Variants in UBE3C observed in about 807,000 individuals in gnomAD.
UBE3C encodes ubiquitin-protein ligase E3C.
In UBE3C, 42 loss-of-function variants were observed where a neutral mutation model predicts 129.4. The ratio of observed to expected loss-of-function variants is 0.32; its 90% CI spans 0.25 to 0.42. The LOEUF (loss-of-function observed/expected upper bound fraction) is 0.42, where lower values mean the gene tolerates loss of function less well. UBE3C is among the 10% of genes least tolerant of loss of function. UBE3C has a pLI of 1.00. For missense variants in UBE3C, 1,049 were observed against 1,319.1 expected (o/e 0.80, Z 3.17); for synonymous variants, 510 against 492.4 (o/e 1.04, Z -0.47).
At chr7:157,251,604 G>A (rs577842629) in intron 19 of UBE3C, among the ~76,000 whole-genome samples, 1 of 152,242 alleles carries the variant, frequency 6.6e-6, no homozygotes, top group African/African-American at 2.4e-5. Context: ...GTGTCTTGTG[G>A]GGCTTTATGG....
intron 5 of UBE3C, among the ~76,000 whole-genome samples, chr7:157,177,716 C>G (rs748318743): frequency 1.3e-5 from 2 of 152,218 alleles, no homozygotes; most frequent in African/African-American, 4.8e-5. Flanking sequence ...GTCCTCACCC[C>G]CTGTCTCTCC....
Position 157,141,388 on chromosome 7 carries a change from C to T in UBE3C, c.66+2050C>T, listed in dbSNP as rs533523510. Among the ~76,000 whole-genome samples, 25 of 152,286 alleles carry T rather than the reference C, an allele frequency of 1.6e-4. No individual in the cohort carries two copies. In the South Asian group the frequency reaches 2.1e-3, roughly 13 times the overall value. Reference sequence around the variant, plus strand: ...GTCATATGTGACTTAAAGAGGGGGACGCTGTCACTAGTCCAGTTGGTTGTT... The same window carrying T: ...GTCATATGTGACTTAAAGAGGGGGATGCTGTCACTAGTCCAGTTGGTTGTT... On this transcript the variant is annotated intron_variant, in intron 1 of 22. Coordinates refer to ENST00000348165, the MANE Select transcript of UBE3C (RefSeq NM_014671.3).
chr7:157,218,809 G>A (rs538114515), intron 14 of UBE3C, among the ~76,000 whole-genome samples: 1 of 152,266 alleles, frequency 6.6e-6, no homozygotes, highest in African/African-American at 2.4e-5. Context: ...CCTGTCTCTA[G>A]CTGGTCATGG....
At chr7:157,164,992 C>T (rs1808174705) in intron 2 of UBE3C, among the ~76,000 whole-genome samples, 1 of 152,124 alleles carries the variant, frequency 6.6e-6, no homozygotes. Context: ...TTGGGGGGAA[C>T]TGCTCTGTAC....
chr7:157,210,277 T>G (rs1256083999), intron 13 of UBE3C, among the ~76,000 whole-genome samples: 1 of 151,766 alleles, frequency 6.6e-6, no homozygotes, highest in African/African-American at 2.4e-5. Flanking sequence ...TTAGAATTGT[T>G]TAAAGACCTT....
Position 157,261,306 on chromosome 7 carries a change from GAAAAAAAAAAAAA to G in UBE3C, c.3081+4283_3081+4295del, listed in dbSNP as rs57114090. Reference sequence around the variant, plus strand: ...GGGCAACAAGAGCAAAACTCTGTCTGAAAAAAAAAAAAAAAAAAAAAAAAAAAAAAAAATCCCA... The same window carrying G: ...GGGCAACAAGAGCAAAACTCTGTCTGAAAAAAAAAAAAAAAAAAAATCCCA... On this transcript the variant is annotated intron_variant, in intron 22 of 22. Transcript: ENST00000348165. Among the ~76,000 whole-genome samples, 254 of 78,038 alleles carry G rather than the reference GAAAAAAAAAAAAA, an allele frequency of 3.3e-3. 4 individuals carry two copies. The highest frequency in any genetic ancestry group is 4.8e-3 in the Non-Finnish European group (207 of 43,182). The allele number at this position is 78,038 out of a possible 152,430, so 51.2% of individuals were successfully genotyped here.
In UBE3C at chr7:157,244,540, T is replaced by C. The variant is rs553127252; in HGVS notation, c.2482-3828T>C. Among the ~76,000 whole-genome samples the C allele has an allele frequency of 1.8e-4, 27 of 152,360 alleles. 1 individual carries two copies. In the South Asian group the frequency reaches 5.6e-3, roughly 32 times the overall value. On this transcript the variant is annotated intron_variant, in intron 18 of 22. Coordinates refer to ENST00000348165, the MANE Select transcript of UBE3C (RefSeq NM_014671.3). Reference sequence around the variant, plus strand: ...TATAGTTTTTAGATTAAGTTATAAATGTTCACTTTAGAGCTGCCTGAAGAT... The same window carrying C: ...TATAGTTTTTAGATTAAGTTATAAACGTTCACTTTAGAGCTGCCTGAAGAT...
intron 18 of UBE3C, among the ~76,000 whole-genome samples, chr7:157,234,202 T>G (rs1450772094): frequency 6.6e-6 from 1 of 152,226 alleles, no homozygotes; most frequent in Non-Finnish European, 1.5e-5. Context: ...AAGTCTAACG[T>G]GTTTTTTTCT....
At position 157,269,039 on chromosome 7, in the gene UBE3C, A is replaced by G. The variant is rs1467887878; in HGVS notation, c.*1284A>G. On this transcript the variant is annotated 3_prime_UTR_variant, in exon 23 of 23. Coordinates refer to ENST00000348165, the MANE Select transcript of UBE3C (RefSeq NM_014671.3). ...TTTTAAAGTGGGAAAGCTGAATGAC[A>G]CTTTTAAGACAATGAACATTATCAA... 1 of 152,666 alleles carries G rather than the reference A, an allele frequency of 6.6e-6. No individual in the cohort carries two copies. Among genetic ancestry groups the G allele is most frequent in the African/African-American group, 2.4e-5 (1 of 41,450 alleles). The allele number at this position is 152,666 out of a possible 1,614,324, so 9.5% of individuals were successfully genotyped here.
intron 5 of UBE3C, 51 bp from the exon 6 acceptor site, chr7:157,178,636 CTGG>C: frequency 6.4e-7 from 1 of 1,563,740 alleles, no homozygotes; most frequent in Non-Finnish European, 8.7e-7. Context: ...CTTGGGGAAA[CTGG>C]TGACATTTTG....
chr7:157,231,592 T>C (rs1796023284), intron 18 of UBE3C: 2 of 436,796 alleles, frequency 4.6e-6, no homozygotes, highest in East Asian at 4.9e-5. Context: ...GATTAGATCA[T>C]GTGAGCTCGG....
At chr7:157,217,713 T>G (rs956874874) in intron 14 of UBE3C, among the ~76,000 whole-genome samples, 1 of 152,116 alleles carries the variant, frequency 6.6e-6, no homozygotes. Flanking sequence ...GGCAGACGCC[T>G]GTAATCCCAG....
At chr7:157,259,180 C>G (rs1316369876) in intron 22 of UBE3C, among the ~76,000 whole-genome samples, 1 of 152,258 alleles carries the variant, frequency 6.6e-6, no homozygotes, top group Non-Finnish European at 1.5e-5. Context: ...CCACTCAGAC[C>G]TGAGTCAGCG....
chr7:157,158,050 CTTTT>C (rs60257662), intron 1 of UBE3C, among the ~76,000 whole-genome samples: 1 of 101,120 alleles, frequency 9.9e-6, no homozygotes, highest in Admixed American at 1.3e-4. Flanking sequence ...CTCTTTTTTC[CTTTT>C]TTTTTTTTTT....
intron 18 of UBE3C, among the ~76,000 whole-genome samples, chr7:157,247,813 G>A (rs1389083749): frequency 6.6e-6 from 1 of 152,206 alleles, no homozygotes; most frequent in Admixed American, 6.5e-5. Context: ...GTGCTGCAGG[G>A]CAGAGTGGCA....
chr7:157,256,853 G>C (rs749875768), intron 21 of UBE3C, 61 bp from the exon 22 acceptor site: 5 of 1,602,164 alleles, frequency 3.1e-6, no homozygotes, highest in Non-Finnish European at 3.4e-6. Flanking sequence ...ACCAATCCCT[G>C]TGGGTCCTGA....
chr7:157,254,559 A>T (rs1037165223), intron 21 of UBE3C, among the ~76,000 whole-genome samples: 2 of 151,660 alleles, frequency 1.3e-5, no homozygotes, highest in Admixed American at 6.6e-5. Flanking sequence ...CACCAGGCCC[A>T]ACTAATTTTT....
intron 18 of UBE3C, among the ~76,000 whole-genome samples, chr7:157,246,435 G>A (rs1050208274): frequency 6.6e-6 from 1 of 152,188 alleles, no homozygotes; most frequent in Non-Finnish European, 1.5e-5. Context: ...TATTTACAGT[G>A]CATGATATGG....
At chr7:157,235,611 G>T (rs895148979) in intron 18 of UBE3C, among the ~76,000 whole-genome samples, 9 of 152,142 alleles carry the variant, frequency 5.9e-5, no homozygotes, top group African/African-American at 1.9e-4. Flanking sequence ...GAAGATCCAG[G>T]GAAGAGAATT....
Sources: gnomAD v4.1 joint callset for allele counts (sites outside exome capture counted in the v4.1 genomes callset) on GRCh38, gnomAD v4.1.1 for gene constraint, MANE v1.5 for transcripts, NCBI Gene and HGNC (gene_info 2026-07-23, HGNC 2026-07-21) for gene names.